Variants in PARP4 observed in about 807,000 individuals in gnomAD.
The protein encoded by PARP4 is protein mono-ADP-ribosyltransferase PARP4.
A neutral mutation model predicts 187.7 loss-of-function variants in PARP4; 120 were observed. The ratio of observed to expected loss-of-function variants is 0.64; its 90% confidence interval spans 0.55 to 0.74. The LOEUF is 0.74. PARP4 is among the 30% of genes least tolerant of loss of function. The pLI, the probability that PARP4 is intolerant of heterozygous loss-of-function variation, is 0.00. For synonymous variants in PARP4, 654 were observed against 740.9 expected (o/e 0.88, Z 1.90); for missense variants, 1,836 against 2,070.5 (o/e 0.89, Z 2.20).
intron 17 of PARP4, among the ~76,000 whole-genome samples, chr13:24,460,878 G>A (rs1453568532): frequency 6.6e-6 from 1 of 152,056 alleles, no homozygotes; most frequent in African/African-American, 2.4e-5. Flanking sequence ...GGTTGCCCAG[G>A]CTGGTCTCAA....
intron 25 of PARP4, among the ~76,000 whole-genome samples, chr13:24,449,157 G>C (rs9551103): frequency 0.51 from 77,898 of 151,938 alleles, 21,536 homozygotes; most frequent in South Asian, 0.68. Context: ...GGGAGGCCAA[G>C]GTGGGCAGAT....
chr13:24,493,116 A>G (rs1490650651), intron 8 of PARP4, among the ~76,000 whole-genome samples: 1 of 152,244 alleles, frequency 6.6e-6, no homozygotes, highest in Non-Finnish European at 1.5e-5. Context: ...CCATTGGGGT[A>G]TCTTCTTTTG....
intron 12 of PARP4, among the ~76,000 whole-genome samples, chr13:24,479,004 T>C (rs1490520982): frequency 6.6e-6 from 1 of 152,202 alleles, no homozygotes; most frequent in Non-Finnish European, 1.5e-5. Context: ...GAGTAAGAAC[T>C]GGTCAAAGGG....
chr13:24,481,019 T>C (rs1873249463), intron 12 of PARP4, among the ~76,000 whole-genome samples: 1 of 152,248 alleles, frequency 6.6e-6, no homozygotes, highest in Non-Finnish European at 1.5e-5. Context: ...GACGACAGGC[T>C]GACTCTTGTC....
At chr13:24,430,862 G>A (rs1288569757) in intron 32 of PARP4, among the ~76,000 whole-genome samples, 12 of 152,240 alleles carry the variant, frequency 7.9e-5, no homozygotes, top group Non-Finnish European at 1.6e-4. Flanking sequence ...CAGCTTAACA[G>A]TACATTTCTC....
chr13:24,434,418 C>T lies in PARP4; in HGVS notation c.4723G>A (p.Glu1575Lys), dbSNP rs1870498481. 1 of 1,570,056 alleles carries T rather than the reference C, an allele frequency of 6.4e-7. No homozygotes were observed. The highest frequency in any genetic ancestry group is 1.8e-5 in the Admixed American group (1 of 55,570). The change falls in exon 31 of 34, where the codon GAA (glutamate) becomes AAA (lysine). Residue 1575 changes from glutamate to lysine, a missense_variant. Glu to Lys is a moderately conservative substitution (Grantham distance 56). Around this residue, in one of 8 missense-constraint regions of PARP4, gnomAD observed 450 missense variants for 439.2 expected, o/e 1.02. Coordinates refer to ENST00000381989, the MANE Select transcript of PARP4 (RefSeq NM_006437.4). ...QHWQDAVPWT[E>K]LLSLQTEDGF... The stretch of plus-strand genomic sequence containing the variant: ...ACCTCTGTCTGTAGACTGAGGAGTT[C>T]TGTCCAAGGCACAGCATCCTGCCAG...
chr13:24,505,607 G>A (rs1347248032), intron 1 of PARP4, among the ~76,000 whole-genome samples: 1 of 152,170 alleles, frequency 6.6e-6, no homozygotes, highest in Non-Finnish European at 1.5e-5. Flanking sequence ...AAATGTTGCA[G>A]TTTGTGCTAA....
At chr13:24,452,271 C>G in intron 24 of PARP4, 135 bp downstream of exon 24, 1 of 681,210 alleles carries the variant, frequency 1.5e-6, no homozygotes, top group South Asian at 2.3e-5. Flanking sequence ...GGCTGGGAGC[C>G]CGGAGCCCCA....
At chr13:24,451,195 C>G (rs1474227399) in intron 24 of PARP4, among the ~76,000 whole-genome samples, 6 of 152,214 alleles carry the variant, frequency 3.9e-5, no homozygotes, top group Non-Finnish European at 8.8e-5. Flanking sequence ...GAGCCCTGAC[C>G]TGGGAGCAGG....
chr13:24,423,875 A>G, intron 33 of PARP4, among the ~76,000 whole-genome samples: 1 of 152,050 alleles, frequency 6.6e-6, no homozygotes, highest in South Asian at 2.1e-4. Flanking sequence ...CTATGTGGTC[A>G]AGGCTGGTCT....
chr13:24,495,351 A>G (rs1868887159), intron 6 of PARP4, among the ~76,000 whole-genome samples: 1 of 152,068 alleles, frequency 6.6e-6, no homozygotes, highest in Admixed American at 6.6e-5. Flanking sequence ...CTGGTTTTCC[A>G]GCTTTTTGGA....
At chr13:24,468,374 A>G (rs1224283360) in intron 17 of PARP4, among the ~76,000 whole-genome samples, 2 of 150,354 alleles carry the variant, frequency 1.3e-5, no homozygotes, top group Non-Finnish European at 2.9e-5. Context: ...AGCTTACTTC[A>G]GGAAAATTGT....
intron 32 of PARP4, among the ~76,000 whole-genome samples, chr13:24,428,852 G>A (rs1870188482): frequency 6.6e-6 from 1 of 151,672 alleles, no homozygotes; most frequent in Admixed American, 6.6e-5. Context: ...GAGTTCTGCT[G>A]AGTTTGTTGG....
intron 1 of PARP4, among the ~76,000 whole-genome samples, chr13:24,504,130 T>G (rs1328401373): frequency 6.6e-6 from 1 of 152,152 alleles, no homozygotes; most frequent in Non-Finnish European, 1.5e-5. Context: ...CATTATTTGA[T>G]AGTGAAACCA....
chr13:24,457,770 C>CAAA (rs33930012), intron 20 of PARP4, among the ~76,000 whole-genome samples: 21 of 85,646 alleles, frequency 2.5e-4, no homozygotes, highest in South Asian at 1.9e-3. Flanking sequence ...GACTCTGTCT[C>CAAA]AAAAAAAAAA....
At chr13:24,436,778 T>G (rs1870660699) in intron 30 of PARP4, among the ~76,000 whole-genome samples, 1 of 152,344 alleles carries the variant, frequency 6.6e-6, no homozygotes, top group African/African-American at 2.4e-5. Context: ...GCATGTCAAG[T>G]CCTTGATATT....
At chr13:24,454,196 T>C (rs80128928) in intron 22 of PARP4, among the ~76,000 whole-genome samples, 8,165 of 152,300 alleles carry the variant, frequency 0.054, 712 homozygotes, top group African/African-American at 0.18. Context: ...TGAGTCAAAT[T>C]CCATGTGCAC....
At chr13:24,449,933 T>G (rs1871424132) in intron 24 of PARP4, 116 bp from the exon 25 acceptor site, 2 of 562,384 alleles carry the variant, frequency 3.6e-6, no homozygotes, top group East Asian at 3.1e-5. Context: ...TGGGGAAGAA[T>G]GTACTCGTGT....
intron 24 of PARP4, chr13:24,452,190 T>G: frequency 2.1e-6 from 1 of 478,972 alleles, no homozygotes; most frequent in Non-Finnish European, 3.7e-6. Flanking sequence ...AGATGAGAGG[T>G]TAAGGAACTT....
Sources: allele counts gnomAD v4.1 joint callset (sites outside exome capture counted in the v4.1 genomes callset), GRCh38; gene constraint gnomAD v4.1.1; regional missense constraint gnomAD v4.1.1; transcripts MANE v1.5; gene names NCBI Gene and HGNC (gene_info 2026-07-23, HGNC 2026-07-21).